The following TTC33 variants were observed in gnomAD, a reference collection of about 807,000 sequenced individuals.
TTC33 encodes the protein tetratricopeptide repeat protein 33.
A neutral mutation model predicts 29.4 loss-of-function variants in TTC33; 24 were observed. The observed-to-expected ratio is 0.82, with a 90% CI of 0.59 to 1.15. The LOEUF (loss-of-function observed/expected upper bound fraction) is 1.15, where lower values mean the gene tolerates loss of function less well. Among genes scored for constraint, TTC33 ranks in the 50% most tolerant of loss-of-function variants. The pLI, the probability that TTC33 is intolerant of heterozygous loss-of-function variation, is 0.00. For synonymous variants in TTC33, 107 were observed against 100.3 expected, an observed-to-expected ratio of 1.07 and a Z score of -0.40; for missense variants, 286 against 310.4, an observed-to-expected ratio of 0.92 and a Z score of 0.59.
At chr5:40,721,543 C>T (rs1742134801) in intron 4 of TTC33, among the ~76,000 whole-genome samples, 1 of 152,034 alleles carries the variant, frequency 6.6e-6, no homozygotes. Context: ...CTGGGAAAAC[C>T]GGATATCCGC....
chr5:40,746,362 G>A (rs1031730845), intron 2 of TTC33, among the ~76,000 whole-genome samples: 2 of 152,084 alleles, frequency 1.3e-5, no homozygotes, highest in Admixed American at 1.3e-4. Flanking sequence ...GAAGTAAATG[G>A]CAAAGAATAA....
chr5:40,728,462 AAG>A lies in TTC33; in HGVS notation c.316_317del (p.Leu106SerfsTer2). ...CATGTACTGCTGGGAACATTTCATG[AAG>A]AGACATTAGCACCTATAGGCAAAAA... Reference protein sequence around the residue: ...YEMKSQVLMSLHEMFPAVHAA... With the variant: ...YEMKSQVLMSXHEMFPAVHAA... On this transcript the variant is annotated frameshift_variant, in exon 4 of 5. Transcript: ENST00000337702. LOFTEE classifies it high-confidence loss of function. 6.2e-7 allele frequency: 1 copy of A among 1,610,546 alleles called. No individual in the cohort carries two copies. Among genetic ancestry groups the A allele is most frequent in the Non-Finnish European group, 8.5e-7 (1 of 1,178,990 alleles).
intron 2 of TTC33, among the ~76,000 whole-genome samples, chr5:40,746,089 C>A (rs907374624): frequency 6.6e-6 from 1 of 152,112 alleles, no homozygotes; most frequent in East Asian, 1.9e-4. Flanking sequence ...TTATTTTCCT[C>A]TAGGTAGTAA....
At chr5:40,728,219 G>A (rs1742335817) in intron 4 of TTC33, 126 bp downstream of exon 4, 1 of 715,052 alleles carries the variant, frequency 1.4e-6, no homozygotes, top group East Asian at 3.3e-5. Context: ...AGGAGGCGGA[G>A]GTTGCCGTGA....
At chr5:40,753,671 A>T (rs1372525007) in intron 1 of TTC33, among the ~76,000 whole-genome samples, 1 of 152,210 alleles carries the variant, frequency 6.6e-6, no homozygotes, top group Non-Finnish European at 1.5e-5. Context: ...GAAAATACAG[A>T]TCATTAGGAA....
chr5:40,718,914 ATAAAAAT>A (rs1742066981), intron 4 of TTC33, among the ~76,000 whole-genome samples: 1 of 152,122 alleles, frequency 6.6e-6, no homozygotes, highest in South Asian at 2.1e-4. Context: ...AAATAAATAA[ATAAAAAT>A]TAAAAATTAA....
chr5:40,721,523 A>G (rs1742134558), intron 4 of TTC33, among the ~76,000 whole-genome samples: 1 of 152,194 alleles, frequency 6.6e-6, no homozygotes, highest in Non-Finnish European at 1.5e-5. Flanking sequence ...AGTTTCTTCA[A>G]CAAATGATGC....
At chr5:40,737,257 A>C (rs1742572722) in intron 2 of TTC33, among the ~76,000 whole-genome samples, 1 of 151,912 alleles carries the variant, frequency 6.6e-6, no homozygotes, top group South Asian at 2.1e-4. Context: ...AGATCGTGCT[A>C]CTGCACTCCA....
chr5:40,748,272 T>C (rs78956134), intron 1 of TTC33, among the ~76,000 whole-genome samples: 18 of 135,782 alleles, frequency 1.3e-4, no homozygotes, highest in South Asian at 2.4e-4. Flanking sequence ...CCTCGGCTCA[T>C]TGCAACCTCT....
intron 2 of TTC33, among the ~76,000 whole-genome samples, chr5:40,739,039 T>C (rs922526288): frequency 6.6e-6 from 1 of 152,142 alleles, no homozygotes; most frequent in African/African-American, 2.4e-5. Flanking sequence ...AAACCAGAAG[T>C]TTTCATTTGT....
chr5:40,739,274 C>A (rs561340156), intron 2 of TTC33, among the ~76,000 whole-genome samples: 11 of 152,294 alleles, frequency 7.2e-5, no homozygotes, highest in African/African-American at 2.6e-4. Flanking sequence ...ATAAGCTTGT[C>A]AATTATCTCA....
chr5:40,722,957 A>G (rs1742183167), intron 4 of TTC33, among the ~76,000 whole-genome samples: 1 of 152,176 alleles, frequency 6.6e-6, no homozygotes, highest in Non-Finnish European at 1.5e-5. Flanking sequence ...GCTCATTGAG[A>G]GCGGGCCATG....
At position 40,716,492 on chromosome 5, in the gene TTC33, G is replaced by C. The variant is rs771094043; in HGVS notation, c.442C>G (p.Arg148Gly). ...ATGTGAAGGGCTACTTGAAAACTTCGAATTGCCTAGAAAATAAGGTCAGAG... is the reference window on the plus strand; with the variant it reads ...ATGTGAAGGGCTACTTGAAAACTTCCAATTGCCTAGAAAATAAGGTCAGAG... ...LGLGEIILAIRSFQVALHIYP... is the reference protein window; with the variant it reads ...LGLGEIILAIGSFQVALHIYP... The change falls in exon 5 of 5, where the codon CGA becomes GGA. Residue 148 changes from arginine (R) to glycine (G), a missense_variant. By Grantham distance (125) the Arg-to-Gly change is moderately radical (BLOSUM62 -2). Transcript: ENST00000337702. 6.3e-7 allele frequency: 1 copy of C among 1,583,022 alleles called. No individual in the cohort carries two copies. Among genetic ancestry groups the C allele is most frequent in the Non-Finnish European group, 8.6e-7 (1 of 1,167,482 alleles).
chr5:40,732,916 C>G (rs899244169), intron 2 of TTC33, among the ~76,000 whole-genome samples: 4 of 152,024 alleles, frequency 2.6e-5, no homozygotes, highest in Non-Finnish European at 5.9e-5. Context: ...CCTAATATAA[C>G]AGATTCTATC....
intron 2 of TTC33, among the ~76,000 whole-genome samples, chr5:40,734,064 A>G (rs906072951): frequency 6.6e-6 from 1 of 152,220 alleles, no homozygotes; most frequent in Non-Finnish European, 1.5e-5. Flanking sequence ...CGAGGCCTAT[A>G]AAGGTTTAAA....
chr5:40,728,280 T>C (rs1177116496), intron 4 of TTC33, 65 bp downstream of exon 4: 1 of 168,778 alleles, frequency 5.9e-6, no homozygotes, highest in Non-Finnish European at 1.0e-5. Flanking sequence ...AGACTCCATC[T>C]CAAAAAAAAA....
rs568407328 is a variant in TTC33, at chr5:40,712,960, G to A, written c.*3185C>T. Among the ~76,000 whole-genome samples the A allele has an allele frequency of 1.3e-5, 2 of 152,176 alleles. No homozygotes were observed. Among genetic ancestry groups the A allele is most frequent in the African/African-American group, 4.8e-5 (2 of 41,508 alleles). On this transcript the variant is annotated 3_prime_UTR_variant, in exon 5 of 5. Transcript: ENST00000337702. ...AGTGACTAAGGTAAATGACTTTAGG[G>A]ATAACCTCCTTTATTTCATTTTATT...
rs181588256 is a variant in TTC33, at chr5:40,754,576, T to C, written c.-2+1248A>G. ...CCAAACAGTAGTATCAAGGGCCCACTACTGTGTAAAAGCATGAATCTGTTA... is the reference window on the plus strand; with the variant it reads ...CCAAACAGTAGTATCAAGGGCCCACCACTGTGTAAAAGCATGAATCTGTTA... On this transcript the variant is annotated intron_variant, in intron 1 of 4. Transcript: ENST00000337702. 2.6e-5 allele frequency among the ~76,000 whole-genome samples: 4 copies of C among 152,308 alleles called. No individual in the cohort carries two copies. In the East Asian group the frequency reaches 7.7e-4, roughly 29 times the overall value.
intron 2 of TTC33, among the ~76,000 whole-genome samples, chr5:40,742,903 G>C (rs565672881): frequency 6.6e-6 from 1 of 152,066 alleles, no homozygotes; most frequent in Non-Finnish European, 1.5e-5. Context: ...TTATAAAAAC[G>C]TTTTTAGCCA....
Sources: gnomAD v4.1 joint callset for allele counts (sites outside exome capture counted in the v4.1 genomes callset) on GRCh38, gnomAD v4.1.1 for gene constraint, MANE v1.5 for transcripts, NCBI Gene and HGNC (gene_info 2026-07-23, HGNC 2026-07-21) for gene names.